NSRP1: variants seen among roughly 807,000 people sequenced by gnomAD.
NSRP1 encodes the protein nuclear speckle splicing regulatory protein 1, also known as coiled-coil domain containing 55.
NSRP1 carries 24 observed loss-of-function variants against 54.7 expected under a neutral mutation model. The observed-to-expected ratio is 0.44, with a 90% CI of 0.32 to 0.62. The LOEUF is 0.62. NSRP1 is among the 20% of genes least tolerant of loss of function. The pLI, the probability that NSRP1 is intolerant of heterozygous loss-of-function variation, is 0.06. For missense variants in NSRP1, 596 were observed against 651.2 expected (o/e 0.92, Z 0.92); for synonymous variants, 210 against 213.8 (o/e 0.98, Z 0.15).
intron 2 of NSRP1, chr17:30,122,403 T>G (rs1411389730): frequency 2.5e-5 from 2 of 78,956 alleles, no homozygotes; most frequent in African/African-American, 1.1e-4. Flanking sequence ...TTTTTTTTTT[T>G]TTTTTTTTTT....
chr17:30,183,953 G>A (rs900157982), intron 6 of NSRP1, among the ~76,000 whole-genome samples: 10 of 152,100 alleles, frequency 6.6e-5, no homozygotes, highest in Non-Finnish European at 8.8e-5. Context: ...TGTAATCCCC[G>A]CACTTTGGGA....
At chr17:30,173,523 T>TC (rs1324576038) in intron 3 of NSRP1, among the ~76,000 whole-genome samples, 1 of 151,722 alleles carries the variant, frequency 6.6e-6, no homozygotes, top group Non-Finnish European at 1.5e-5. Flanking sequence ...CCTTTGTTTT[T>TC]CATTTTGAAT....
At position 30,185,198 on chromosome 17, in the gene NSRP1, C is replaced by A. The variant is rs1905479059; in HGVS notation, c.1201C>A (p.Gln401Lys). ...EQERDRQQND[Q>K]NRPSEKGEKE... ...AGAAAGAGATAGACAACAAAATGATCAGAACCGACCCAGTGAGAAAGGAGA... is the reference window on the plus strand; with the variant it reads ...AGAAAGAGATAGACAACAAAATGATAAGAACCGACCCAGTGAGAAAGGAGA... Residue 401 changes from glutamine to lysine, a missense_variant, in exon 7 of 7, where the codon CAG (glutamine) becomes AAG (lysine). Gln to Lys is a moderately conservative substitution (Grantham distance 53). Transcript: ENST00000247026. The A allele has an allele frequency of 6.4e-6, 10 of 1,571,214 alleles. No individual in the cohort carries two copies. Among genetic ancestry groups the A allele is most frequent in the Non-Finnish European group, 6.9e-6 (8 of 1,158,038 alleles).
chr17:30,179,748 T>C (rs965130054), intron 5 of NSRP1, among the ~76,000 whole-genome samples: 1 of 152,140 alleles, frequency 6.6e-6, no homozygotes, highest in African/African-American at 2.4e-5. Flanking sequence ...GAAGAAAGAA[T>C]AAAAATTGGA....
chr17:30,131,927 C>T (rs1474303229), intron 2 of NSRP1, among the ~76,000 whole-genome samples: 1 of 152,108 alleles, frequency 6.6e-6, no homozygotes, highest in African/African-American at 2.4e-5. Flanking sequence ...ATGCTCACGT[C>T]GTCACCATGA....
At position 30,186,318 on chromosome 17, in the gene NSRP1, A is replaced by G. The variant is rs1012592085; in HGVS notation, c.*644A>G. The G allele has an allele frequency of 6.6e-6, 1 of 152,220 alleles. No individual in the cohort carries two copies. Among genetic ancestry groups the G allele is most frequent in the African/African-American group, 2.4e-5 (1 of 41,462 alleles). 9.4% of individuals were successfully genotyped at this position (152,220 alleles called of 1,614,324 possible). A position where few individuals can be genotyped will look rare whatever the true frequency, so the allele number is the denominator to read the frequency against. ...AACTCTTCTAATAATGTTTTGTTGC[A>G]GGAAATGTATTTCAGATAAAATATG... On this transcript the variant is annotated 3_prime_UTR_variant, in exon 7 of 7. Transcript: ENST00000247026.
chr17:30,162,522 TA>T (rs2143006235), intron 2 of NSRP1, among the ~76,000 whole-genome samples: 1 of 152,278 alleles, frequency 6.6e-6, no homozygotes, highest in East Asian at 1.9e-4. Context: ...TTTAAAAAAG[TA>T]AAAAAGAACA....
intron 2 of NSRP1, among the ~76,000 whole-genome samples, chr17:30,170,581 C>T (rs1282608449): frequency 6.6e-6 from 1 of 152,118 alleles, no homozygotes; most frequent in African/African-American, 2.4e-5. Flanking sequence ...TAATGTCCTC[C>T]AGGCCCATTC....
At chr17:30,130,405 A>T (rs1230689006) in intron 2 of NSRP1, among the ~76,000 whole-genome samples, 1 of 152,054 alleles carries the variant, frequency 6.6e-6, no homozygotes, top group Non-Finnish European at 1.5e-5. Context: ...AGCGTCCACT[A>T]GTCTTTTTAA....
rs141774535 is a variant in NSRP1, at chr17:30,175,204, C to G, written c.171+2606C>G. Among the ~76,000 whole-genome samples the G allele has an allele frequency of 4.8e-3, 733 of 152,218 alleles. 6 individuals carry two copies. The highest frequency in any genetic ancestry group is 0.017 in the African/African-American group (702 of 41,538). ...TGCATTTAAGGCTATATGTTTCCCTCTAAGTACTTCTGTAGCTGTATCTTA... is the reference window on the plus strand; with the variant it reads ...TGCATTTAAGGCTATATGTTTCCCTGTAAGTACTTCTGTAGCTGTATCTTA... On this transcript the variant is annotated intron_variant, in intron 3 of 6. Coordinates refer to ENST00000247026, the MANE Select transcript of NSRP1 (RefSeq NM_032141.4).
At chr17:30,125,175 A>G (rs887623738) in intron 2 of NSRP1, among the ~76,000 whole-genome samples, 7 of 152,202 alleles carry the variant, frequency 4.6e-5, no homozygotes, top group Non-Finnish European at 1.0e-4. Context: ...AGCCTGGGTG[A>G]CAGAACGAGA....
At chr17:30,155,626 C>G (rs963661165) in intron 2 of NSRP1, among the ~76,000 whole-genome samples, 1 of 151,932 alleles carries the variant, frequency 6.6e-6, no homozygotes, top group Admixed American at 6.6e-5. Flanking sequence ...TGCACTATGC[C>G]TCAAACTGCT....
chr17:30,131,546 G>A (rs1201144153), intron 2 of NSRP1, among the ~76,000 whole-genome samples: 1 of 8,378 alleles, frequency 1.2e-4, no homozygotes, highest in African/African-American at 1.5e-3. Context: ...TAGCATTATA[G>A]CTAAAAAAAT....
chr17:30,174,753 A>G (rs1347657317), intron 3 of NSRP1, among the ~76,000 whole-genome samples: 2 of 152,236 alleles, frequency 1.3e-5, no homozygotes, highest in Non-Finnish European at 2.9e-5. Context: ...TTTTATACCA[A>G]TAATGTAAAG....
chr17:30,118,187 T>C lies in NSRP1; in HGVS notation c.114+14T>C, dbSNP rs370793628. 512 of 1,597,172 alleles carry C rather than the reference T, an allele frequency of 3.2e-4. No individual in the cohort carries two copies. Among genetic ancestry groups the C allele is most frequent in the Non-Finnish European group, 3.6e-4 (424 of 1,166,138 alleles). The stretch of plus-strand genomic sequence containing the variant: ...GATGATGATGAGGTAAGGAAACCTA[T>C]GTTTTACTCGTGCATGGTTGGAAAT... On this transcript the variant is annotated intron_variant, in intron 2 of 6. Coordinates refer to ENST00000247026, the MANE Select transcript of NSRP1 (RefSeq NM_032141.4).
chr17:30,177,572 G>C (rs1905170249), intron 3 of NSRP1, among the ~76,000 whole-genome samples: 2 of 152,012 alleles, frequency 1.3e-5, no homozygotes, highest in South Asian at 4.1e-4. Flanking sequence ...ACATGATAAA[G>C]GCAGAGACTT....
intron 2 of NSRP1, among the ~76,000 whole-genome samples, chr17:30,120,741 G>A (rs1454546007): frequency 6.6e-6 from 1 of 152,200 alleles, no homozygotes; most frequent in East Asian, 1.9e-4. Flanking sequence ...TCAGAAAATT[G>A]AAGCTCAGGT....
At chr17:30,171,337 G>T (rs1904925525) in intron 2 of NSRP1, among the ~76,000 whole-genome samples, 1 of 138,456 alleles carries the variant, frequency 7.2e-6, no homozygotes, top group Admixed American at 7.6e-5. Flanking sequence ...ACAGAGCCTG[G>T]TTCTGTTGCC....
At chr17:30,161,414 G>A (rs771674989) in intron 2 of NSRP1, among the ~76,000 whole-genome samples, 6 of 152,064 alleles carry the variant, frequency 3.9e-5, no homozygotes, top group Non-Finnish European at 7.4e-5. Flanking sequence ...TATATATACT[G>A]TTTTAATTTA....
Sources: gnomAD v4.1 joint callset for allele counts (sites outside exome capture counted in the v4.1 genomes callset) on GRCh38, gnomAD v4.1.1 for gene constraint, MANE v1.5 for transcripts, NCBI Gene and HGNC (gene_info 2026-07-23, HGNC 2026-07-21) for gene names.